Variants in FBXL7 observed in about 807,000 individuals in gnomAD.
FBXL7 encodes F-box and leucine rich repeat protein 7.
A neutral mutation model predicts 38.3 loss-of-function variants in FBXL7; 12 were observed. The observed-to-expected ratio is 0.31, with a 90% confidence interval of 0.20 to 0.51. FBXL7 has a LOEUF of 0.51. Among genes scored for constraint, FBXL7 ranks in the 20% least tolerant of loss-of-function variants. The pLI is 0.98. For missense variants in FBXL7, 567 were observed against 676.4 expected (o/e 0.84, Z 1.79); for synonymous variants, 297 against 300.9 (o/e 0.99, Z 0.13).
intron 1 of FBXL7, among the ~76,000 whole-genome samples, chr5:15,574,190 TTATG>T (rs1016994669): frequency 2.0e-5 from 3 of 152,212 alleles, no homozygotes; most frequent in Non-Finnish European, 2.9e-5. Context: ...CAGAAATACT[TTATG>T]AATGAATAAA....
chr5:15,859,809 T>G (rs1373308026), intron 2 of FBXL7, among the ~76,000 whole-genome samples: 1 of 152,064 alleles, frequency 6.6e-6, no homozygotes, highest in Non-Finnish European at 1.5e-5. Flanking sequence ...ACTCAAGATA[T>G]CAATAGCGCC....
intron 2 of FBXL7, among the ~76,000 whole-genome samples, chr5:15,830,051 CCT>C (rs113636426): frequency 1.6e-4 from 24 of 152,292 alleles, no homozygotes; most frequent in East Asian, 3.9e-4. Context: ...CAGATCTCCC[CCT>C]GTTTCAAACT....
intron 2 of FBXL7, among the ~76,000 whole-genome samples, chr5:15,629,324 G>A (rs1035101212): frequency 6.6e-6 from 1 of 152,058 alleles, no homozygotes; most frequent in African/African-American, 2.4e-5. Context: ...TCAAGCAAAG[G>A]GTTCCTGCTG....
At chr5:15,732,458 T>C (rs551294308) in intron 2 of FBXL7, among the ~76,000 whole-genome samples, 5 of 152,332 alleles carry the variant, frequency 3.3e-5, no homozygotes, top group Non-Finnish European at 5.9e-5. Context: ...TTCTTTTTTT[T>C]CCCTCTCTTT....
At chr5:15,716,272 A>G (rs768980508) in intron 2 of FBXL7, among the ~76,000 whole-genome samples, 6 of 152,212 alleles carry the variant, frequency 3.9e-5, no homozygotes, top group Non-Finnish European at 8.8e-5. Flanking sequence ...AGCCAAAGAA[A>G]TCGCTGTATG....
intron 2 of FBXL7, among the ~76,000 whole-genome samples, chr5:15,622,710 A>G (rs1390308608): frequency 6.6e-6 from 1 of 151,952 alleles, no homozygotes; most frequent in Non-Finnish European, 1.5e-5. Flanking sequence ...TGCTTATTTT[A>G]TTTTTATTTT....
intron 2 of FBXL7, among the ~76,000 whole-genome samples, chr5:15,708,674 G>C (rs1225956648): frequency 6.6e-6 from 1 of 151,578 alleles, no homozygotes; most frequent in Non-Finnish European, 1.5e-5. Context: ...CCTTTTTTTT[G>C]ATTTTTCATT....
At chr5:15,664,664 G>A (rs1167166467) in intron 2 of FBXL7, among the ~76,000 whole-genome samples, 1 of 151,486 alleles carries the variant, frequency 6.6e-6, no homozygotes, top group Admixed American at 6.6e-5. Context: ...TGGAGACAGG[G>A]TTTCACTATG....
At chr5:15,835,841 TGTA>T (rs1336210691) in intron 2 of FBXL7, among the ~76,000 whole-genome samples, 9 of 152,182 alleles carry the variant, frequency 5.9e-5, no homozygotes, top group African/African-American at 1.7e-4. Context: ...TCTGTTAAGT[TGTA>T]GTCCTTTGAA....
intron 2 of FBXL7, among the ~76,000 whole-genome samples, chr5:15,631,871 A>G (rs768695596): frequency 2.0e-5 from 3 of 151,846 alleles, no homozygotes; most frequent in Non-Finnish European, 2.9e-5. Flanking sequence ...AAAAATGAAC[A>G]TGGAGGACCT....
chr5:15,807,793 G>C (rs1737755778), intron 2 of FBXL7, among the ~76,000 whole-genome samples: 1 of 151,850 alleles, frequency 6.6e-6, no homozygotes, highest in Admixed American at 6.6e-5. Flanking sequence ...AAATTACACA[G>C]ATTTCTAGCA....
intron 2 of FBXL7, among the ~76,000 whole-genome samples, chr5:15,630,312 G>C (rs1740956831): frequency 6.6e-6 from 1 of 152,092 alleles, no homozygotes; most frequent in African/African-American, 2.4e-5. Flanking sequence ...TCCTTTCTCA[G>C]TATCTTTTAA....
At chr5:15,719,223 C>T (rs1341414806) in intron 2 of FBXL7, among the ~76,000 whole-genome samples, 1 of 152,076 alleles carries the variant, frequency 6.6e-6, no homozygotes, top group Non-Finnish European at 1.5e-5. Flanking sequence ...TTCCTGAGAC[C>T]TCTGTCTTAA....
chr5:15,714,535 A>G (rs2126645708), intron 2 of FBXL7, among the ~76,000 whole-genome samples: 1 of 151,128 alleles, frequency 6.6e-6, no homozygotes. Context: ...TATGGAATAC[A>G]CAAGGTAATC....
chr5:15,532,645 T>A (rs1737463574), intron 1 of FBXL7, among the ~76,000 whole-genome samples: 1 of 152,240 alleles, frequency 6.6e-6, no homozygotes. Flanking sequence ...CATCCTGCCT[T>A]ATGGACTCTG....
intron 2 of FBXL7, among the ~76,000 whole-genome samples, chr5:15,675,777 C>T (rs1452040852): frequency 6.6e-6 from 1 of 152,152 alleles, no homozygotes; most frequent in Non-Finnish European, 1.5e-5. Flanking sequence ...TTTAATAGGA[C>T]CATTCATTTT....
intron 1 of FBXL7, among the ~76,000 whole-genome samples, chr5:15,578,777 TCTC>T (rs2126463983): frequency 6.6e-6 from 1 of 152,298 alleles, no homozygotes; most frequent in South Asian, 2.1e-4. Context: ...ATGTTAAACT[TCTC>T]CTGTCTCATC....
chr5:15,806,848 C>T (rs1737725766), intron 2 of FBXL7, among the ~76,000 whole-genome samples: 3 of 152,226 alleles, frequency 2.0e-5, no homozygotes, highest in African/African-American at 7.2e-5. Flanking sequence ...TCTCCTCTCC[C>T]TCTGTGACTC....
At chr5:15,634,364 C>T (rs1422112824) in intron 2 of FBXL7, among the ~76,000 whole-genome samples, 8 of 139,790 alleles carry the variant, frequency 5.7e-5, no homozygotes, top group Non-Finnish European at 1.2e-4. Flanking sequence ...TTCTGTTGCC[C>T]AGTCTGGAGT....
Sources: allele counts gnomAD v4.1 joint callset (sites outside exome capture counted in the v4.1 genomes callset), GRCh38; gene constraint gnomAD v4.1.1; transcripts MANE v1.5; gene names NCBI Gene and HGNC (gene_info 2026-07-23, HGNC 2026-07-21).